The following MTOR variants were observed in gnomAD, a reference collection of about 807,000 sequenced individuals.
The protein encoded by MTOR is serine/threonine-protein kinase mTOR.
MTOR carries 70 observed loss-of-function variants against 319.8 expected under a neutral mutation model. That is an observed-to-expected ratio of 0.22 (90% CI 0.18 to 0.27). MTOR has a LOEUF of 0.27. MTOR is among the 10% of genes least tolerant of loss of function. The probability of loss-of-function intolerance (pLI) is 1.00; values close to 1 mark genes in which losing one functional copy is unlikely to be tolerated. For synonymous variants in MTOR, 1,183 were observed against 1,211.4 expected, an observed-to-expected ratio of 0.98 and a Z score of 0.49; for missense variants, 1,890 against 3,274.4, an observed-to-expected ratio of 0.58 and a Z score of 10.32.
At chr1:11,239,626 C>T (rs904655514) in intron 11 of MTOR, among the ~76,000 whole-genome samples, 3 of 152,094 alleles carry the variant, frequency 2.0e-5, no homozygotes, top group African/African-American at 4.8e-5. Context: ...TACCGCCAGC[C>T]GGGCACAGTG....
At chr1:11,149,915 C>T (rs185083932) in intron 31 of MTOR, among the ~76,000 whole-genome samples, 3 of 152,126 alleles carry the variant, frequency 2.0e-5, no homozygotes, top group Non-Finnish European at 4.4e-5. Flanking sequence ...GGCCTCCCCA[C>T]GAAGATCCAA....
In MTOR at chr1:11,238,625, G is replaced by C; in HGVS notation, c.1787-8C>G. On this transcript the variant is annotated splice_polypyrimidine_tract_variant and splice_region_variant and intron_variant, in intron 11 of 57. Transcript: ENST00000361445. ...ATTGGGTCAGAGAGTGGCCTGGATAGAAAGGCAGAGAGAAAACAGAATAAA... is the reference window on the plus strand; with the variant it reads ...ATTGGGTCAGAGAGTGGCCTGGATACAAAGGCAGAGAGAAAACAGAATAAA... The C allele has an allele frequency of 6.2e-7, 1 of 1,600,268 alleles. No individual in the cohort carries two copies. Among genetic ancestry groups the C allele is most frequent in the Non-Finnish European group, 8.5e-7 (1 of 1,169,820 alleles).
intron 28 of MTOR, chr1:11,192,400 C>T (rs746874829): frequency 2.0e-5 from 30 of 1,533,948 alleles, no homozygotes; most frequent in Non-Finnish European, 2.7e-5. Flanking sequence ...TGGCCATGCC[C>T]TAATACCTGT....
At chr1:11,243,484 G>A (rs1402769704) in intron 8 of MTOR, among the ~76,000 whole-genome samples, 184 bp from the exon 9 acceptor site, 1 of 151,968 alleles carries the variant, frequency 6.6e-6, no homozygotes, top group Non-Finnish European at 1.5e-5. Flanking sequence ...TTGAGGCCAG[G>A]AGTTCGAAAC....
In MTOR at chr1:11,193,497, C is replaced by A; in HGVS notation, c.4253+5761G>T. On this transcript the variant is annotated intron_variant, in intron 28 of 57. Coordinates refer to ENST00000361445, the MANE Select transcript of MTOR (RefSeq NM_004958.4). Reference sequence around the variant, plus strand: ...CACACATCTACTGGCTCTGCAGGGACAGGAACAGGTTGGGAAGCCTGCCCT... The same window carrying A: ...CACACATCTACTGGCTCTGCAGGGAAAGGAACAGGTTGGGAAGCCTGCCCT... 2 of 1,287,896 alleles carry A rather than the reference C, an allele frequency of 1.6e-6. 1 individual carries two copies. The highest frequency in any genetic ancestry group is 2.9e-5 in the South Asian group (2 of 67,952). 79.8% of individuals were successfully genotyped at this position (1,287,896 alleles called of 1,614,324 possible).
chr1:11,229,023 T>C (rs772345118), intron 18 of MTOR, 105 bp from the exon 19 acceptor site: 68 of 1,387,422 alleles, frequency 4.9e-5, no homozygotes, highest in Non-Finnish European at 6.6e-5. Context: ...TTAGCATTCA[T>C]ATCTTTCTTC....
At chr1:11,249,819 T>C (rs1351521251) in intron 6 of MTOR, among the ~76,000 whole-genome samples, 3 of 150,316 alleles carry the variant, frequency 2.0e-5, no homozygotes, top group Non-Finnish European at 3.0e-5. Flanking sequence ...TGTCTACCTC[T>C]TTCTACACAG....
In MTOR at chr1:11,176,037, T is replaced by C. The variant is rs190452659; in HGVS notation, c.4254-8520A>G. Among the ~76,000 whole-genome samples, 26 of 152,292 alleles carry C rather than the reference T, an allele frequency of 1.7e-4. No individual in the cohort carries two copies. The East Asian group carries it at 4.4e-3, about 26-fold the overall frequency. The stretch of plus-strand genomic sequence containing the variant: ...TGCTGGGATTACAGGCATGAGCCAC[T>C]GTGCCCAGCCCCCTCACTGCCTTTT... On this transcript the variant is annotated intron_variant, in intron 28 of 57. Transcript: ENST00000361445.
Position 11,109,526 on chromosome 1 carries a change from G to A in MTOR, c.7447+123C>T. ...CTCAGAATATAATGAGAAATTCATG[G>A]AACCTTTTCTGCTCAAAGGCAGTTT... On this transcript the variant is annotated intron_variant, in intron 55 of 57. Transcript: ENST00000361445. This position sits in a 1 kb window ranked among gnomAD's most constrained non-coding sequence, Gnocchi z 4.0. 8.2e-7 allele frequency: 1 copy of A among 1,223,828 alleles called. No individual in the cohort carries two copies. Among genetic ancestry groups the A allele is most frequent in the Non-Finnish European group, 1.2e-6 (1 of 842,644 alleles). The allele number at this position is 1,223,828 out of a possible 1,614,324, so 75.8% of individuals were successfully genotyped here.
At chr1:11,244,536 C>T (rs1231426869) in intron 8 of MTOR, among the ~76,000 whole-genome samples, 1 of 151,924 alleles carries the variant, frequency 6.6e-6, no homozygotes, top group Non-Finnish European at 1.5e-5. Flanking sequence ...AAGGCTGACG[C>T]AGGAGAATCA....
In MTOR at chr1:11,133,143, G is replaced by C. The variant is rs149819190; in HGVS notation, c.5301C>G (p.Ser1767Arg). Residue 1767 changes from serine (S) to arginine (R), a missense_variant, in exon 38 of 58, where the codon AGC becomes AGG. Physicochemically the swap from Ser to Arg is moderately radical, Grantham distance 110 (BLOSUM62 -1). Coordinates refer to ENST00000361445, the MANE Select transcript of MTOR (RefSeq NM_004958.4). The surrounding 1 kb of genome is among the most constrained non-coding windows in gnomAD (Gnocchi z 4.0). ...AGTACTGCAGCACTTTGGGGATTGT[G>C]CTCTCATTGATGCCCTGTAGATTCA... ...WQLNLQGINE[S>R]TIPKVLQYYS... 6.2e-7 allele frequency: 1 copy of C among 1,614,166 alleles called. No homozygotes were observed. Among genetic ancestry groups the C allele is most frequent in the East Asian group, 2.2e-5 (1 of 44,878 alleles).
At chr1:11,221,947 A>T (rs943399462) in intron 19 of MTOR, among the ~76,000 whole-genome samples, 3 of 150,126 alleles carry the variant, frequency 2.0e-5, no homozygotes, top group Non-Finnish European at 3.0e-5. Context: ...AAGATAAATT[A>T]TATATATATA....
At position 11,124,533 on chromosome 1, in the gene MTOR, C is replaced by T. The variant is rs1366935053; in HGVS notation, c.6627G>A (p.Leu2209=). ...MQLFGLVNTL[L]ANDPTSLRKN... is the part of the protein sequence containing the mutation. ...TCCGAAGAGATGTTGGGTCATTGGC[C>T]AGAAGGGTGTTAACCAGGCCGAAGA... Residue 2209 remains leucine, a synonymous_variant, in exon 47 of 58, where the codon CTG becomes CTA. Transcript: ENST00000361445. The T allele has an allele frequency of 6.2e-7, 1 of 1,610,988 alleles. No homozygotes were observed.
chr1:11,149,876 C>G (rs1279392988), intron 31 of MTOR, among the ~76,000 whole-genome samples: 11 of 152,192 alleles, frequency 7.2e-5, no homozygotes, highest in Non-Finnish European at 1.5e-4. Flanking sequence ...CACTAAATCT[C>G]AATTTTGATT....
intron 31 of MTOR, among the ~76,000 whole-genome samples, chr1:11,147,146 T>C (rs1019970115): frequency 6.6e-6 from 1 of 152,192 alleles, no homozygotes; most frequent in African/African-American, 2.4e-5. Flanking sequence ...GCAACAAAAT[T>C]GCTTTCTTCC....
intron 3 of MTOR, 54 bp downstream of exon 3, chr1:11,258,431 C>T (rs2100983674): frequency 1.7e-6 from 2 of 1,201,008 alleles, no homozygotes; most frequent in South Asian, 1.3e-5. Context: ...ACACAGGGTG[C>T]AGTGGGCACA....
chr1:11,125,490 G>A (rs1642778884), intron 46 of MTOR, among the ~76,000 whole-genome samples: 1 of 152,100 alleles, frequency 6.6e-6, no homozygotes, highest in African/African-American at 2.4e-5. Context: ...TAACATTGTG[G>A]GAGGCCAAGC....
intron 12 of MTOR, 21 bp from the exon 13 acceptor site, chr1:11,238,069 T>C: frequency 6.2e-7 from 1 of 1,612,630 alleles, no homozygotes; most frequent in African/African-American, 1.3e-5. Flanking sequence ...AATGGAGCCT[T>C]TGAACATTTC....
Position 11,111,986 on chromosome 1 carries a change from A to AAAAC in MTOR, c.7366+865_7366+866insGTTT, listed in dbSNP as rs1557737305. Among the ~76,000 whole-genome samples the AAAAC allele has an allele frequency of 2.0e-4, 30 of 152,092 alleles. No individual in the cohort carries two copies. The South Asian group carries it at 4.8e-3, about 24-fold the overall frequency. On this transcript the variant is annotated intron_variant, in intron 54 of 57. Transcript: ENST00000361445. ...AACAAACAAACAAACAAACAAAAAAACCCCCCAAAACCAGTAACTTCAATG... is the reference window on the plus strand; with the variant it reads ...AACAAACAAACAAACAAACAAAAAAAAAACCCCCCCAAAACCAGTAACTTCAATG...
Sources: allele counts gnomAD v4.1 joint callset (sites outside exome capture counted in the v4.1 genomes callset), GRCh38; gene constraint gnomAD v4.1.1; non-coding constraint Gnocchi (gnomAD v3.1); transcripts MANE v1.5; gene names NCBI Gene and HGNC (gene_info 2026-07-23, HGNC 2026-07-21).